Variants in ZDHHC3 observed in about 807,000 individuals in gnomAD.
ZDHHC3 encodes zDHHC palmitoyltransferase 3, also known as palmitoyltransferase ZDHHC3.
In ZDHHC3, 9 loss-of-function variants were observed where a neutral mutation model predicts 30.6. The observed-to-expected ratio is 0.29, with a 90% CI of 0.18 to 0.51. The LOEUF is 0.51. ZDHHC3 is among the 20% of genes least tolerant of loss of function. The probability of loss-of-function intolerance (pLI) is 0.97; values close to 1 mark genes in which losing one functional copy is unlikely to be tolerated. For synonymous variants in ZDHHC3, 136 were observed against 140.2 expected (o/e 0.97, Z 0.21); for missense variants, 246 against 384.2 (o/e 0.64, Z 3.01).
chr3:44,957,746 C>G (rs1164895073), intron 2 of ZDHHC3, among the ~76,000 whole-genome samples: 1 of 152,166 alleles, frequency 6.6e-6, no homozygotes. Flanking sequence ...ATCTCTCCAC[C>G]CTTGTTCTCC....
At chr3:44,933,078 C>T in intron 5 of ZDHHC3, 40 bp downstream of exon 5, 1 of 1,613,148 alleles carries the variant, frequency 6.2e-7, no homozygotes, top group Non-Finnish European at 8.5e-7. Context: ...GGTCACACAC[C>T]CACCCTGGAG....
chr3:44,934,304 C>T (rs1218245865), intron 3 of ZDHHC3, among the ~76,000 whole-genome samples: 2 of 151,898 alleles, frequency 1.3e-5, no homozygotes, highest in African/African-American at 4.8e-5. Context: ...TTTGGTTTCC[C>T]GAGAGAAAAA....
Position 44,918,088 on chromosome 3 carries a change from T to G in ZDHHC3, c.*8601A>C. ...CCCACCAAAGGTCTCCTTTACTGAC[T>G]GCCAGCTCCCCATGTGCTCCCTGGG... On this transcript the variant is annotated 3_prime_UTR_variant, in exon 7 of 7. Coordinates refer to ENST00000424952, the MANE Select transcript of ZDHHC3 (RefSeq NM_001135179.2). The G allele has an allele frequency of 7.7e-7, 1 of 1,305,456 alleles. No homozygotes were observed. The highest frequency in any genetic ancestry group is 1.0e-6 in the Non-Finnish European group (1 of 988,962). 80.9% of individuals were successfully genotyped at this position (1,305,456 alleles called of 1,614,324 possible).
At chr3:44,931,406 A>G (rs899463045) in intron 5 of ZDHHC3, among the ~76,000 whole-genome samples, 2 of 152,078 alleles carry the variant, frequency 1.3e-5, no homozygotes, top group Non-Finnish European at 2.9e-5. Context: ...GGAATTACCA[A>G]TGGAGTTTGG....
intron 1 of ZDHHC3, among the ~76,000 whole-genome samples, chr3:44,974,942 G>T (rs1369769627): frequency 6.6e-6 from 1 of 152,044 alleles, no homozygotes; most frequent in East Asian, 1.9e-4. Context: ...AACTTCTCTG[G>T]GCATAGTATG....
At chr3:44,957,234 A>G (rs1302880267) in intron 2 of ZDHHC3, among the ~76,000 whole-genome samples, 2 of 152,060 alleles carry the variant, frequency 1.3e-5, no homozygotes, top group African/African-American at 4.8e-5. Context: ...CCACTTTCCA[A>G]AATACCCTGT....
Position 44,923,402 on chromosome 3 carries a change from T to C in ZDHHC3, c.*3287A>G. 1.0e-6 allele frequency: 1 copy of C among 985,392 alleles called. No homozygotes were observed. The highest frequency in any genetic ancestry group is 4.7e-5 in the South Asian group (1 of 21,280). The allele number at this position is 985,392 out of a possible 1,614,324, so 61.0% of individuals were successfully genotyped here. A position where few individuals can be genotyped will look rare whatever the true frequency, so the allele number is the denominator to read the frequency against. On this transcript the variant is annotated 3_prime_UTR_variant, in exon 7 of 7. Coordinates refer to ENST00000424952, the MANE Select transcript of ZDHHC3 (RefSeq NM_001135179.2). Reference sequence around the variant, plus strand: ...AAGTGTCCGCGCCCGGCTTAAAATGTTTGTTAATTTACCTCACCTAAACGG... The same window carrying C: ...AAGTGTCCGCGCCCGGCTTAAAATGCTTGTTAATTTACCTCACCTAAACGG...
At chr3:44,934,187 C>T (rs1007533636) in intron 3 of ZDHHC3, among the ~76,000 whole-genome samples, 2 of 152,112 alleles carry the variant, frequency 1.3e-5, no homozygotes, top group African/African-American at 4.8e-5. Flanking sequence ...CAAACGGGTA[C>T]AGAGTCATTC....
chr3:44,932,823 C>T, intron 5 of ZDHHC3: 1 of 1,336,164 alleles, frequency 7.5e-7, no homozygotes, highest in Non-Finnish European at 1.1e-6. Flanking sequence ...CGCATTGGAA[C>T]CGGCCTCTGT....
At position 44,922,808 on chromosome 3, in the gene ZDHHC3, T is replaced by C. The variant is rs1700696825; in HGVS notation, c.*3881A>G. 1.0e-6 allele frequency: 1 copy of C among 985,228 alleles called. No homozygotes were observed. The highest frequency in any genetic ancestry group is 6.2e-5 in the Admixed American group (1 of 16,260). 61.0% of individuals were successfully genotyped at this position (985,228 alleles called of 1,614,324 possible). On this transcript the variant is annotated 3_prime_UTR_variant, in exon 7 of 7. Transcript: ENST00000424952. ...CTAACAAGTTCTCAGGTGATGCTGA[T>C]GTTGACGTTGCTGGTCTGGCAACCT...
At chr3:44,961,252 T>C (rs1322985206) in intron 1 of ZDHHC3, among the ~76,000 whole-genome samples, 1 of 151,954 alleles carries the variant, frequency 6.6e-6, no homozygotes, top group Admixed American at 6.6e-5. Flanking sequence ...ATTAGCCGGG[T>C]GTGGTGGCAG....
chr3:44,921,082 T>C lies in ZDHHC3; in HGVS notation c.*5607A>G. On this transcript the variant is annotated 3_prime_UTR_variant, in exon 7 of 7. Transcript: ENST00000424952. Reference sequence around the variant, plus strand: ...ACGAACAAAAATGGTTGATGCCTGGTAAGGGGGTCATAGTCGACACCAGAA... The same window carrying C: ...ACGAACAAAAATGGTTGATGCCTGGCAAGGGGGTCATAGTCGACACCAGAA... 32 of 985,342 alleles carry C rather than the reference T, an allele frequency of 3.2e-5. No homozygotes were observed. Among genetic ancestry groups the C allele is most frequent in the Non-Finnish European group, 3.7e-5 (31 of 829,912 alleles). The allele number at this position is 985,342 out of a possible 1,614,324, so 61.0% of individuals were successfully genotyped here. A position where few individuals can be genotyped will look rare whatever the true frequency, so the allele number is the denominator to read the frequency against.
At position 44,923,422 on chromosome 3, in the gene ZDHHC3, A is replaced by C; in HGVS notation, c.*3267T>G. 1 of 985,338 alleles carries C rather than the reference A, an allele frequency of 1.0e-6. No homozygotes were observed. Among genetic ancestry groups the C allele is most frequent in the Non-Finnish European group, 1.2e-6 (1 of 829,920 alleles). The allele number at this position is 985,338 out of a possible 1,614,324, so 61.0% of individuals were successfully genotyped here. A position where few individuals can be genotyped will look rare whatever the true frequency, so the allele number is the denominator to read the frequency against. On this transcript the variant is annotated 3_prime_UTR_variant, in exon 7 of 7. Coordinates refer to ENST00000424952, the MANE Select transcript of ZDHHC3 (RefSeq NM_001135179.2). ...AAATGTTTGTTAATTTACCTCACCT[A>C]AACGGTTTCTGCATTAGGGGACGGT...
rs1437620267 is a variant in ZDHHC3 at position 44,945,266 on chromosome 3, A to G, written c.333T>C (p.Thr111=). 1 of 1,614,234 alleles carries G rather than the reference A, an allele frequency of 6.2e-7. No homozygotes were observed. The highest frequency in any genetic ancestry group is 1.3e-5 in the African/African-American group (1 of 75,046). Residue 111 remains threonine, a synonymous_variant, in exon 3 of 7, where the codon ACT becomes ACC. Transcript: ENST00000424952. The part of the protein sequence containing the change: ...DPGAVPKGNA[T]KEFIESLQLK... ...ACTGTAAACTCTCGATGAATTCTTT[A>G]GTGGCATTTCCTTTGGGCACTGCCC... is the stretch of plus-strand genomic sequence containing the variant.
At chr3:44,945,112 G>T (rs1323373456) in intron 3 of ZDHHC3, 56 bp downstream of exon 3, 41 of 1,609,894 alleles carry the variant, frequency 2.5e-5, no homozygotes, top group Non-Finnish European at 3.3e-5. Context: ...TGTTGGCGGG[G>T]ATGGAGGGAG....
Position 44,920,745 on chromosome 3 carries a change from A to G in ZDHHC3, c.*5944T>C. The G allele has an allele frequency of 1.0e-6, 1 of 985,396 alleles. No individual in the cohort carries two copies. Among genetic ancestry groups the G allele is most frequent in the Non-Finnish European group, 1.2e-6 (1 of 829,932 alleles). The allele number at this position is 985,396 out of a possible 1,614,324, so 61.0% of individuals were successfully genotyped here. A position where few individuals can be genotyped will look rare whatever the true frequency, so the allele number is the denominator to read the frequency against. On this transcript the variant is annotated 3_prime_UTR_variant, in exon 7 of 7. Transcript: ENST00000424952. Reference sequence around the variant, plus strand: ...GATGATTATTTGCCATTCATGTGGCATGCTCCCAGATAGGCACTCTTGGAT... The same window carrying G: ...GATGATTATTTGCCATTCATGTGGCGTGCTCCCAGATAGGCACTCTTGGAT...
chr3:44,920,061 A>G lies in ZDHHC3; in HGVS notation c.*6628T>C. 1 of 1,179,466 alleles carries G rather than the reference A, an allele frequency of 8.5e-7. No homozygotes were observed. The highest frequency in any genetic ancestry group is 1.1e-6 in the Non-Finnish European group (1 of 933,802). 73.1% of individuals were successfully genotyped at this position (1,179,466 alleles called of 1,614,324 possible). On this transcript the variant is annotated 3_prime_UTR_variant, in exon 7 of 7. Coordinates refer to ENST00000424952, the MANE Select transcript of ZDHHC3 (RefSeq NM_001135179.2). ...GTTACTTTTGGGGATGGAATTCTAG[A>G]GGATTTGTATTTATTTCTGTAGACT...
intron 5 of ZDHHC3, 107 bp from the exon 6 acceptor site, chr3:44,929,543 T>C: frequency 6.9e-7 from 1 of 1,457,236 alleles, no homozygotes; most frequent in Non-Finnish European, 9.3e-7. Flanking sequence ...CAGGCCTTCA[T>C]TCCTCCTGGG....
At chr3:44,947,821 G>A (rs1336363360) in intron 2 of ZDHHC3, among the ~76,000 whole-genome samples, 2 of 152,344 alleles carry the variant, frequency 1.3e-5, no homozygotes, top group South Asian at 4.1e-4. Flanking sequence ...AGATGCCCTG[G>A]CCTGGTACAC....
Sources: gnomAD v4.1 joint callset for allele counts (sites outside exome capture counted in the v4.1 genomes callset) on GRCh38, gnomAD v4.1.1 for gene constraint, MANE v1.5 for transcripts, NCBI Gene and HGNC (gene_info 2026-07-23, HGNC 2026-07-21) for gene names.